VMA22: variants seen among roughly 807,000 people sequenced by gnomAD.
VMA22 encodes vacuolar ATPase assembly protein VMA22.
At chr2:130,340,705 C>T in the VMA22 span, 1 of 615,748 alleles carries the variant, frequency 1.6e-6, no homozygotes, top group Non-Finnish European at 2.9e-6. Context: ...CTGCTGTATC[C>T]CCAGCAGCTA....
chr2:130,341,764 G>A, the VMA22 span: 4 of 1,610,034 alleles, frequency 2.5e-6, no homozygotes, highest in Non-Finnish European at 3.4e-6. Flanking sequence ...AGGACGAGAA[G>A]GGAGGATGGA....
the VMA22 span, chr2:130,342,269 C>G: frequency 2.0e-6 from 3 of 1,509,190 alleles, no homozygotes; most frequent in East Asian, 2.5e-5. Flanking sequence ...GCCTCTGGGT[C>G]AGCTTCTTTA....
At chr2:130,339,998 A>C in the VMA22 span, 3 of 379,054 alleles carry the variant, frequency 7.9e-6, no homozygotes, top group East Asian at 1.6e-4. Flanking sequence ...GCCCACTCAG[A>C]CTCTCCAGCA....
chr2:130,339,922 G>A, the VMA22 span: 2 of 941,792 alleles, frequency 2.1e-6, no homozygotes, highest in Non-Finnish European at 2.8e-6. Flanking sequence ...CCAGTGCTAT[G>A]CAGTGGACTC....
the VMA22 span, chr2:130,342,268 T>C: frequency 6.6e-7 from 1 of 1,509,416 alleles, no homozygotes; most frequent in Middle Eastern, 1.7e-4. Flanking sequence ...GGCCTCTGGG[T>C]CAGCTTCTTT....
chr2:130,342,527 CAA>C, the VMA22 span: 26 of 466,410 alleles, frequency 5.6e-5, no homozygotes, highest in African/African-American at 4.3e-4. Flanking sequence ...AGCCGGCAAG[CAA>C]CCTTCAGTCG....
At chr2:130,341,801 G>GGGGGGGGCCCCCCCCCCCCCC in the VMA22 span, 2 of 1,378,138 alleles carry the variant, frequency 1.5e-6, no homozygotes, top group East Asian at 2.5e-5. Flanking sequence ...CCTAGAACGC[G>GGGGGGGGCCCCCCCCCCCCCC]CCCGCCCGCC....
the VMA22 span, chr2:130,339,570 T>C: frequency 1.6e-6 from 2 of 1,286,888 alleles, no homozygotes; most frequent in Admixed American, 2.5e-5. Flanking sequence ...CTGCTCTCCC[T>C]CCACTTCTTT....
At chr2:130,339,130 C>T in the VMA22 span, 2 of 1,613,530 alleles carry the variant, frequency 1.2e-6, no homozygotes, top group Admixed American at 3.3e-5. Context: ...TCAGGCAGCC[C>T]CAGGCTCCAG....
chr2:130,340,014 T>C, the VMA22 span: 1 of 342,216 alleles, frequency 2.9e-6, no homozygotes, highest in South Asian at 2.7e-5. Context: ...CAGCAGGGCG[T>C]CGGTGGATAC....
chr2:130,340,041 A>C, the VMA22 span: 2 of 219,380 alleles, frequency 9.1e-6, no homozygotes, highest in East Asian at 1.2e-4. Context: ...GACCACACCA[A>C]CTCCTGCCTT....
At chr2:130,342,575 C>G in the VMA22 span, 1 of 461,762 alleles carries the variant, frequency 2.2e-6, no homozygotes, top group Non-Finnish European at 3.9e-6. Context: ...TTTCCAGCCG[C>G]TAATTATGAT....
At chr2:130,341,306 G>C in the VMA22 span, 11 of 551,740 alleles carry the variant, frequency 2.0e-5, no homozygotes, top group Non-Finnish European at 3.2e-5. Context: ...CTTACCCATT[G>C]TACCTGAACA....
the VMA22 span, chr2:130,339,752 C>T: frequency 1.0e-5 from 13 of 1,303,936 alleles, no homozygotes; most frequent in African/African-American, 3.0e-5. Flanking sequence ...TCTTCTTGGC[C>T]TCCAGGACAC....
At chr2:130,338,813 A>G in the VMA22 span, 29 of 327,082 alleles carry the variant, frequency 8.9e-5, no homozygotes, top group East Asian at 2.9e-4. Context: ...TCATCCAGCC[A>G]TGAAAGCACA....
At chr2:130,341,801 G>GGGGGGGGGGGC in the VMA22 span, 2 of 1,378,136 alleles carry the variant, frequency 1.5e-6, no homozygotes, top group Non-Finnish European at 2.0e-6. Context: ...CCTAGAACGC[G>GGGGGGGGGGGC]CCCGCCCGCC....
the VMA22 span, chr2:130,342,316 C>A: frequency 3.8e-6 from 4 of 1,066,426 alleles, no homozygotes; most frequent in East Asian, 1.0e-4. Flanking sequence ...ACGGAAGCAA[C>A]CAATCAACTG....
At chr2:130,341,520 A>T in the VMA22 span, 1 of 666,096 alleles carries the variant, frequency 1.5e-6, no homozygotes, top group Non-Finnish European at 2.6e-6. Flanking sequence ...ATAAAAGTCT[A>T]AGGCAAAACC....
the VMA22 span, among the ~76,000 whole-genome samples, chr2:130,338,021 A>G: frequency 2.0e-5 from 3 of 152,268 alleles, no homozygotes; most frequent in African/African-American, 7.2e-5. Flanking sequence ...ACTGGGAGTT[A>G]GCAAAACAAA....
Sources: gnomAD v4.1 joint callset for allele counts (sites outside exome capture counted in the v4.1 genomes callset) on GRCh38, gnomAD v4.1.1 for gene constraint, MANE v1.5 for transcripts, NCBI Gene and HGNC (gene_info 2026-07-23, HGNC 2026-07-21) for gene names.